The following ATP11A variants were observed in gnomAD, a reference collection of about 807,000 sequenced individuals.
ATP11A encodes ATPase phospholipid transporting 11A, also known as phospholipid-transporting ATPase IH.
Under a neutral mutation model 154.4 loss-of-function variants are expected in ATP11A, and 81 were observed. That is an observed-to-expected ratio of 0.52 (90% CI 0.44 to 0.63). The LOEUF is 0.63. ATP11A is among the 30% of genes least tolerant of loss of function. The probability of loss-of-function intolerance (pLI) is 0.00; values close to 1 mark genes in which losing one functional copy is unlikely to be tolerated. For synonymous variants in ATP11A, 623 were observed against 585.9 expected (o/e 1.06, Z -0.91); for missense variants, 1,316 against 1,474.3 (o/e 0.89, Z 1.76).
intron 29 of ATP11A, among the ~76,000 whole-genome samples, chr13:112,879,835 AC>A (rs1244378416): frequency 6.6e-6 from 1 of 152,198 alleles, no homozygotes; most frequent in East Asian, 1.9e-4. Context: ...ACCTGTTCCT[AC>A]GGAAAAGAAA....
In ATP11A at chr13:112,816,078, T is replaced by C; in HGVS notation, c.442-5T>C. 6.2e-7 allele frequency: 1 copy of C among 1,614,186 alleles called. No individual in the cohort carries two copies. Among genetic ancestry groups the C allele is most frequent in the South Asian group, 1.1e-5 (1 of 91,084 alleles). ...ATTGACCATCCTTTCTGCTTTGTCC[T>C]GTAGGTTGGGGACATTGTCATGGTT... On this transcript the variant is annotated splice_polypyrimidine_tract_variant and splice_region_variant and intron_variant, in intron 5 of 29. Transcript: ENST00000375645.
chr13:112,717,516 A>G (rs890051584), intron 1 of ATP11A: 9 of 152,238 alleles, frequency 5.9e-5, no homozygotes, highest in Admixed American at 5.9e-4. Context: ...CTTGTGGTAC[A>G]TGTTTATGAT....
chr13:112,819,822 A>G, intron 7 of ATP11A, 78 bp from the exon 8 acceptor site: 1 of 1,486,628 alleles, frequency 6.7e-7, no homozygotes, highest in Non-Finnish European at 9.4e-7. Context: ...TGGCTCACAG[A>G]AGGCAGGTGG....
At chr13:112,878,590 G>C (rs2080798807) in intron 29 of ATP11A, 1 of 509,302 alleles carries the variant, frequency 2.0e-6, no homozygotes, top group South Asian at 2.4e-5. Context: ...ACAGCGGAGA[G>C]CTGGCCACAT....
rs2277432 is a variant in ATP11A, at chr13:112,819,265, C to T, written c.571-39C>T. On this transcript the variant is annotated intron_variant, in intron 6 of 29. Transcript: ENST00000375645. The stretch of plus-strand genomic sequence containing the variant: ...CACCAGCGTCTGGGTTTGTGTTGAC[C>T]GTTTTGGCGGTGAGCTCACATGTCT... 1,311 of 1,581,752 alleles carry T rather than the reference C, an allele frequency of 8.3e-4. 11 individuals carry two copies. The East Asian group carries it at 0.022, about 27-fold the overall frequency.
rs541577459 is a variant in ATP11A at position 112,791,283 on chromosome 13, G to A, written c.162+6026G>A. Among the ~76,000 whole-genome samples, 143 of 152,358 alleles carry A rather than the reference G, an allele frequency of 9.4e-4. 1 individual carries two copies. The highest frequency in any genetic ancestry group is 2.0e-3 in the Admixed American group (30 of 15,308). On this transcript the variant is annotated intron_variant, in intron 2 of 29. Transcript: ENST00000375645. Reference sequence around the variant, plus strand: ...ATATGGGTGATGGGCGTGTGGAACCGCGGCGCCCCCTGCACAGTGTGGCTC... The same window carrying A: ...ATATGGGTGATGGGCGTGTGGAACCACGGCGCCCCCTGCACAGTGTGGCTC...
rs2078870688 is a variant in ATP11A, at chr13:112,824,125, C to A, written c.791-219C>A. Among the ~76,000 whole-genome samples the A allele has an allele frequency of 2.0e-5, 3 of 152,118 alleles. No individual in the cohort carries two copies. In the South Asian group the frequency reaches 6.2e-4, roughly 32 times the overall value. On this transcript the variant is annotated intron_variant, in intron 9 of 29. Coordinates refer to ENST00000375645, the MANE Select transcript of ATP11A (RefSeq NM_015205.3). The stretch of plus-strand genomic sequence containing the variant: ...CCCAGTGTATATTAAGATATGAACT[C>A]TTAAAAAATGAAGCATAGATTGCTT...
chr13:112,765,267 T>C (rs2077048777), intron 1 of ATP11A, among the ~76,000 whole-genome samples: 1 of 151,180 alleles, frequency 6.6e-6, no homozygotes, highest in South Asian at 2.1e-4. Flanking sequence ...TCCTGTGACC[T>C]GGAGGCCTGG....
Position 112,804,940 on chromosome 13 carries a change from G to A in ATP11A, c.163-17G>A, listed in dbSNP as rs911145622. 3.3e-6 allele frequency: 5 copies of A among 1,529,990 alleles called. No homozygotes were observed. In the Admixed American group the frequency reaches 8.8e-5, roughly 27 times the overall value. The allele number at this position is 1,529,990 out of a possible 1,614,324, so 94.8% of individuals were successfully genotyped here. On this transcript the variant is annotated splice_polypyrimidine_tract_variant and intron_variant, in intron 2 of 29. Transcript: ENST00000375645. ...AATCTGATCTCAATGATGGATGTTT[G>A]TTTTTCTTTTATGCAGTACACATTT...
At chr13:112,870,971 A>G (rs572598102) in intron 25 of ATP11A, among the ~76,000 whole-genome samples, 1 of 152,278 alleles carries the variant, frequency 6.6e-6, no homozygotes, top group East Asian at 1.9e-4. Flanking sequence ...CGTGGGTCCC[A>G]CTGACCTTCC....
intron 1 of ATP11A, among the ~76,000 whole-genome samples, chr13:112,778,787 TGAG>T (rs1215252096): frequency 1.4e-5 from 1 of 72,344 alleles, no homozygotes; most frequent in South Asian, 5.9e-4. Context: ...GCCGCTGGAG[TGAG>T]GAGTAGCCGC....
rs184909081 is a variant in ATP11A, at chr13:112,802,888, C to G, written c.163-2069C>G. On this transcript the variant is annotated intron_variant, in intron 2 of 29. Transcript: ENST00000375645. Reference sequence around the variant, plus strand: ...CACACATCTGATAAAAACCTGGTATCAAACAACACATGGAAAATAAGGGTG... The same window carrying G: ...CACACATCTGATAAAAACCTGGTATGAAACAACACATGGAAAATAAGGGTG... Among the ~76,000 whole-genome samples, 3 of 152,278 alleles carry G rather than the reference C, an allele frequency of 2.0e-5. No individual in the cohort carries two copies. In the East Asian group the frequency reaches 5.8e-4, roughly 29 times the overall value.
At chr13:112,771,040 G>A (rs1309985691) in intron 1 of ATP11A, among the ~76,000 whole-genome samples, 1 of 152,202 alleles carries the variant, frequency 6.6e-6, no homozygotes, top group Non-Finnish European at 1.5e-5. Context: ...GGTTTTGTTT[G>A]TCTCAGCTGA....
intron 25 of ATP11A, among the ~76,000 whole-genome samples, chr13:112,866,371 T>A (rs2080333284): frequency 6.6e-6 from 1 of 152,126 alleles, no homozygotes; most frequent in South Asian, 2.1e-4. Context: ...CCTTGCTGTG[T>A]TCCCTCGGTT....
At chr13:112,740,839 G>C (rs150196070) in intron 1 of ATP11A, among the ~76,000 whole-genome samples, 1 of 152,200 alleles carries the variant, frequency 6.6e-6, no homozygotes, top group African/African-American at 2.4e-5. Flanking sequence ...TGCAGAAGGC[G>C]CTCGCCATCA....
chr13:112,828,370 G>A (rs1308311001), intron 12 of ATP11A, among the ~76,000 whole-genome samples: 1 of 133,830 alleles, frequency 7.5e-6, no homozygotes. Context: ...GTGTTAAGTA[G>A]GAGGGAAAGT....
chr13:112,740,168 A>G (rs1054552882), intron 1 of ATP11A, among the ~76,000 whole-genome samples: 8 of 149,652 alleles, frequency 5.3e-5, no homozygotes, highest in South Asian at 2.1e-4. Context: ...ATATATATAT[A>G]TAGATATCTA....
chr13:112,716,936 G>GTACC (rs1555306047), intron 1 of ATP11A, among the ~76,000 whole-genome samples: 1 of 152,168 alleles, frequency 6.6e-6, no homozygotes, highest in Non-Finnish European at 1.5e-5. Flanking sequence ...CTGGAGGCCC[G>GTACC]TGCACTTTCC....
chr13:112,872,804 G>C lies in ATP11A; in HGVS notation c.3058-769G>C, dbSNP rs549298437. ...CACATTCTTCCTCTCCACTCACACT[G>C]TGAGGTGTGGCTTTGTCTTCCTGAG... is the stretch of plus-strand genomic sequence containing the variant. On this transcript the variant is annotated intron_variant, in intron 26 of 29. Coordinates refer to ENST00000375645, the MANE Select transcript of ATP11A (RefSeq NM_015205.3). 9.5e-4 allele frequency among the ~76,000 whole-genome samples: 145 copies of C among 152,224 alleles called. 2 individuals are homozygous for C. The highest frequency in any genetic ancestry group is 3.3e-3 in the African/African-American group (138 of 41,432).
Sources: allele counts gnomAD v4.1 joint callset (sites outside exome capture counted in the v4.1 genomes callset), GRCh38; gene constraint gnomAD v4.1.1; transcripts MANE v1.5; gene names NCBI Gene and HGNC (gene_info 2026-07-23, HGNC 2026-07-21).